Variants in MS4A6A observed in about 807,000 individuals in gnomAD.
MS4A6A encodes the protein membrane-spanning 4-domains subfamily A member 6A.
MS4A6A carries 19 observed loss-of-function variants against 20.6 expected under a neutral mutation model. The ratio of observed to expected loss-of-function variants is 0.92; its 90% confidence interval spans 0.64 to 1.36. The LOEUF (loss-of-function observed/expected upper bound fraction) is 1.36. Among genes scored for constraint, MS4A6A ranks in the 40% most tolerant of loss-of-function variants. MS4A6A has a pLI of 0.00. For synonymous variants in MS4A6A, 108 were observed against 105.0 expected, an observed-to-expected ratio of 1.03 and a Z score of -0.17; for missense variants, 272 against 261.1, an observed-to-expected ratio of 1.04 and a Z score of -0.29.
chr11:60,176,304 G>A (rs1465762679), intron 4 of MS4A6A, among the ~76,000 whole-genome samples: 1 of 152,130 alleles, frequency 6.6e-6, no homozygotes. Context: ...GAGGCAGCGG[G>A]AAGTACAAGA....
chr11:60,181,747 T>C lies in MS4A6A; in HGVS notation c.-14-6A>G. On this transcript the variant is annotated splice_polypyrimidine_tract_variant and splice_region_variant and intron_variant, in intron 1 of 5. Coordinates refer to ENST00000528851, the MANE Select transcript of MS4A6A (RefSeq NM_022349.4). ...TGTCATGATGGTGTTGCCAACTATG[T>C]AAGAAAAAATAGATTTAGCTCTTAA... 6.2e-7 allele frequency: 1 copy of C among 1,612,548 alleles called. No homozygotes were observed. Among genetic ancestry groups the C allele is most frequent in the Non-Finnish European group, 8.5e-7 (1 of 1,179,204 alleles).
intron 2 of MS4A6A, 115 bp downstream of exon 2, chr11:60,181,466 C>T: frequency 1.5e-6 from 2 of 1,341,540 alleles, no homozygotes; most frequent in Non-Finnish European, 2.0e-6. Context: ...CCCTAAAGTC[C>T]CTCTAGCAAA....
At position 60,173,100 on chromosome 11, in the gene MS4A6A, A is replaced by C; in HGVS notation, c.579T>G (p.Thr193=). The change falls in exon 6 of 6, where the codon ACT becomes ACG. Residue 193 remains threonine, a synonymous_variant. Transcript: ENST00000528851. The stretch of plus-strand genomic sequence containing the variant: ...GCACAGCTAGGCAGAATTCCAGCAG[A>C]GTGCAAATCAGCATCAGAGAGAGAG... ...AGTLSLMLIC[T]LLEFCLAVLT... 6.2e-7 allele frequency: 1 copy of C among 1,614,104 alleles called. No individual in the cohort carries two copies. The highest frequency in any genetic ancestry group is 1.1e-5 in the South Asian group (1 of 91,084).
intron 3 of MS4A6A, among the ~76,000 whole-genome samples, chr11:60,179,165 C>T (rs969092341): frequency 2.6e-5 from 4 of 152,108 alleles, no homozygotes; most frequent in Middle Eastern, 3.2e-3. Flanking sequence ...CAAATAGCTA[C>T]TGAATTGCAG....
Position 60,175,456 on chromosome 11 carries a change from A to G in MS4A6A, c.495T>C (p.Phe165=). Residue 165 remains phenylalanine, a synonymous_variant, in exon 5 of 6, where the codon TTT becomes TTC. Coordinates refer to ENST00000528851, the MANE Select transcript of MS4A6A (RefSeq NM_022349.4). ...CCGTGGTATAAAGTGAATCATGATAAAAGTAAGAAACATAACTTCTTGTTG... is the reference window on the plus strand; with the variant it reads ...CCGTGGTATAAAGTGAATCATGATAGAAGTAAGAAACATAACTTCTTGTTG... ...NIPTRSYVSY[F]YHDSLYTTDC... is the part of the protein sequence containing the mutation. 1 of 1,614,192 alleles carries G rather than the reference A, an allele frequency of 6.2e-7. No individual in the cohort carries two copies. The highest frequency in any genetic ancestry group is 8.5e-7 in the Non-Finnish European group (1 of 1,180,020).
upstream of MS4A6A, chr11:60,184,319 C>T (rs1235148020): frequency 6.6e-6 from 1 of 152,276 alleles, no homozygotes; most frequent in Non-Finnish European, 1.5e-5. Flanking sequence ...ACCTTGCTCA[C>T]CCAAGCTCCT....
At chr11:60,176,436 T>C (rs1399723602) in intron 4 of MS4A6A, among the ~76,000 whole-genome samples, 1 of 152,236 alleles carries the variant, frequency 6.6e-6, no homozygotes, top group Non-Finnish European at 1.5e-5. Context: ...TATACATTTA[T>C]GAAGTGAAGG....
At chr11:60,172,101 A>C (rs1182554720), downstream of MS4A6A, 3 of 1,542,766 alleles carry the variant, frequency 1.9e-6, no homozygotes, top group Non-Finnish European at 2.7e-6. Flanking sequence ...TATAATGGTT[A>C]ACTTTTCCAT....
At chr11:60,182,000 C>T (rs1402149590) in intron 1 of MS4A6A, among the ~76,000 whole-genome samples, 2 of 152,156 alleles carry the variant, frequency 1.3e-5, no homozygotes, top group African/African-American at 4.8e-5. Context: ...TCTCAATGTC[C>T]AGAGGCAAAT....
intron 3 of MS4A6A, 132 bp downstream of exon 3, chr11:60,179,699 A>G (rs1450899236): frequency 9.9e-7 from 1 of 1,005,446 alleles, no homozygotes; most frequent in Non-Finnish European, 1.6e-6. Context: ...ACCCGACAGG[A>G]GAACAAGATT....
chr11:60,172,493 G>A (rs1182417527), downstream of MS4A6A: 13 of 1,229,040 alleles, frequency 1.1e-5, no homozygotes, highest in East Asian at 4.3e-4. Flanking sequence ...TAAGTCCATA[G>A]GGGTTTGATT....
At chr11:60,177,151 A>G (rs1374807063) in intron 4 of MS4A6A, 1 of 152,218 alleles carries the variant, frequency 6.6e-6, no homozygotes, top group Non-Finnish European at 1.5e-5. Context: ...TTTCATTTCT[A>G]TCATCATAGA....
upstream of MS4A6A, chr11:60,184,041 G>A (rs1349823842): frequency 6.6e-6 from 1 of 152,228 alleles, no homozygotes; most frequent in Non-Finnish European, 1.5e-5. Flanking sequence ...TTTCCTTGGG[G>A]GAGCTTCCAG....
intron 2 of MS4A6A, 138 bp downstream of exon 2, chr11:60,181,443 C>A (rs570951199): frequency 1.0e-6 from 1 of 970,984 alleles, no homozygotes; most frequent in East Asian, 2.5e-5. Context: ...CAGTTTTCTC[C>A]AAGTGGCTTC....
chr11:60,184,288 AG>A (rs2083864342), upstream of MS4A6A: 4 of 152,246 alleles, frequency 2.6e-5, no homozygotes, highest in Admixed American at 2.6e-4. Context: ...AAGCCTGGGG[AG>A]AGGGGCAGAA....
chr11:60,183,000 A>C lies in MS4A6A; in HGVS notation c.-37T>G. On this transcript the variant is annotated 5_prime_UTR_variant, in exon 1 of 6. Transcript: ENST00000528851. Reference sequence around the variant, plus strand: ...TACCTGTGCCCGTTGGTTCCAGCTGAGTCCTCAGAAGCTCCAAAGAGGTTT... The same window carrying C: ...TACCTGTGCCCGTTGGTTCCAGCTGCGTCCTCAGAAGCTCCAAAGAGGTTT... 7.2e-7 allele frequency: 1 copy of C among 1,396,646 alleles called. No individual in the cohort carries two copies. The allele number at this position is 1,396,646 out of a possible 1,614,324, so 86.5% of individuals were successfully genotyped here. A position where few individuals can be genotyped will look rare whatever the true frequency, so the allele number is the denominator to read the frequency against.
At position 60,175,546 on chromosome 11, in the gene MS4A6A, C is replaced by A. The variant is rs938546718; in HGVS notation, c.405G>T (p.Leu135=). 6.8e-6 allele frequency: 11 copies of A among 1,614,122 alleles called. No individual in the cohort carries two copies. The highest frequency in any genetic ancestry group is 1.1e-5 in the South Asian group (1 of 91,082). ...GATTTAAGGTGGCCTGTTTGACAGA[C>A]AGGATAATGAAACCCACCAGGGCAG... is the stretch of plus-strand genomic sequence containing the variant. The part of the protein sequence containing the change: ...ALSALVGFII[L]SVKQATLNPA... Residue 135 remains leucine (L), a synonymous_variant, in exon 5 of 6, where the codon CTG becomes CTT. Coordinates refer to ENST00000528851, the MANE Select transcript of MS4A6A (RefSeq NM_022349.4).
intron 5 of MS4A6A, 112 bp from the exon 6 acceptor site, chr11:60,173,241 A>T (rs1428971739): frequency 7.8e-6 from 7 of 898,630 alleles, no homozygotes; most frequent in Admixed American, 7.7e-5. Flanking sequence ...GAGAATGAAG[A>T]AAGGACACCA....
chr11:60,183,388 A>G (rs2083838522), upstream of MS4A6A: 4 of 545,666 alleles, frequency 7.3e-6, no homozygotes, highest in South Asian at 9.5e-5. Context: ...ATGAGCAAAA[A>G]TATTTATAAA....
Sources: gnomAD v4.1 joint callset for allele counts (sites outside exome capture counted in the v4.1 genomes callset) on GRCh38, gnomAD v4.1.1 for gene constraint, MANE v1.5 for transcripts, NCBI Gene and HGNC (gene_info 2026-07-23, HGNC 2026-07-21) for gene names.